KCNC1: variants seen among roughly 807,000 people sequenced by gnomAD.
The protein encoded by KCNC1 is potassium voltage-gated channel subfamily C member 1.
KCNC1 carries 8 observed loss-of-function variants against 43.4 expected under a neutral mutation model. The observed-to-expected ratio is 0.18, with a 90% CI of 0.11 to 0.33. The LOEUF (loss-of-function observed/expected upper bound fraction) is 0.33, where lower values mean the gene tolerates loss of function less well. Among genes scored for constraint, KCNC1 ranks in the 10% least tolerant of loss-of-function variants. The pLI, the probability that KCNC1 is intolerant of heterozygous loss-of-function variation, is 1.00. For missense variants in KCNC1, 420 were observed against 836.0 expected (o/e 0.50, Z 6.14); for synonymous variants, 361 against 360.5 (o/e 1.00, Z -0.01).
At chr11:17,741,545 C>T (rs996939909) in intron 1 of KCNC1, among the ~76,000 whole-genome samples, 1 of 152,194 alleles carries the variant, frequency 6.6e-6, no homozygotes, top group Non-Finnish European at 1.5e-5. Flanking sequence ...GGCAGCCCCC[C>T]AGCTGCTCTC....
At chr11:17,741,901 C>T (rs1436356918) in intron 1 of KCNC1, among the ~76,000 whole-genome samples, 5 of 152,230 alleles carry the variant, frequency 3.3e-5, no homozygotes, top group Admixed American at 3.3e-4. Flanking sequence ...AACAGCAGCT[C>T]CTCAGTGATG....
intron 2 of KCNC1, chr11:17,774,148 G>A (rs1849260873): frequency 2.0e-6 from 2 of 985,568 alleles, no homozygotes; most frequent in Non-Finnish European, 2.4e-6. Context: ...TGGGATTTCT[G>A]TAGGTGCCTG....
At chr11:17,751,607 A>G (rs1848969568) in intron 1 of KCNC1, among the ~76,000 whole-genome samples, 2 of 152,102 alleles carry the variant, frequency 1.3e-5, no homozygotes, top group East Asian at 1.9e-4. Context: ...TGGTTTGTGG[A>G]GTGAGAGAGC....
Position 17,748,510 on chromosome 11 carries a change from G to T in KCNC1, c.570+11938G>T, listed in dbSNP as rs548092182. 2.6e-5 allele frequency among the ~76,000 whole-genome samples: 4 copies of T among 152,286 alleles called. No homozygotes were observed. In the East Asian group the frequency reaches 7.7e-4, roughly 29 times the overall value. ...CTACTGGGTGCAATGTCCAATATTT[G>T]AGAGATGGGCACGCTAGGGGCCCCC... On this transcript the variant is annotated intron_variant, in intron 1 of 3. Coordinates refer to ENST00000265969, the MANE Select transcript of KCNC1 (RefSeq NM_001112741.2).
intron 1 of KCNC1, among the ~76,000 whole-genome samples, chr11:17,743,156 C>G (rs2133780873): frequency 6.6e-6 from 1 of 152,338 alleles, no homozygotes; most frequent in Non-Finnish European, 1.5e-5. Context: ...ACTATACTAT[C>G]ACGCCAATGA....
rs774642798 is a variant in KCNC1 at position 17,771,518 on chromosome 11, G to T, written c.571-147G>T. On this transcript the variant is annotated intron_variant, in intron 1 of 3. Transcript: ENST00000265969. The surrounding 1 kb of genome is among the most constrained non-coding windows in gnomAD (Gnocchi z 4.7). Reference sequence around the variant, plus strand: ...GCCCTGACGGTCGTGCAGGCCCCCTGTGCCCTGAGGAGGGAAATGTAGCAC... The same window carrying T: ...GCCCTGACGGTCGTGCAGGCCCCCTTTGCCCTGAGGAGGGAAATGTAGCAC... 11 of 716,170 alleles carry T rather than the reference G, an allele frequency of 1.5e-5. No homozygotes were observed. The highest frequency in any genetic ancestry group is 2.6e-5 in the Non-Finnish European group (11 of 424,594). The allele number at this position is 716,170 out of a possible 1,614,324, so 44.4% of individuals were successfully genotyped here. A position where few individuals can be genotyped will look rare whatever the true frequency, so the allele number is the denominator to read the frequency against.
Position 17,777,028 on chromosome 11 carries a change from G to A in KCNC1, c.1505-2428G>A, listed in dbSNP as rs927951900. On this transcript the variant is annotated intron_variant, in intron 2 of 3. Coordinates refer to ENST00000265969, the MANE Select transcript of KCNC1 (RefSeq NM_001112741.2). The surrounding 1 kb of genome is among the most constrained non-coding windows in gnomAD (Gnocchi z 4.3). ...GGTGTCCCGGGAATCCCCCAGGAGGGAAAGGTGCCAGGCTATCATCCCTCC... is the reference window on the plus strand; with the variant it reads ...GGTGTCCCGGGAATCCCCCAGGAGGAAAAGGTGCCAGGCTATCATCCCTCC... The A allele has an allele frequency of 5.1e-6, 5 of 985,284 alleles. No individual in the cohort carries two copies. The African/African-American group carries it at 8.7e-5, about 17-fold the overall frequency. The allele number at this position is 985,284 out of a possible 1,614,324, so 61.0% of individuals were successfully genotyped here. A position where few individuals can be genotyped will look rare whatever the true frequency, so the allele number is the denominator to read the frequency against.
intron 2 of KCNC1, among the ~76,000 whole-genome samples, chr11:17,778,852 C>T (rs1368849136): frequency 2.4e-4 from 23 of 97,608 alleles, no homozygotes; most frequent in African/African-American, 8.4e-4. Flanking sequence ...GGGGTACGGG[C>T]GCAGGCTGAG....
chr11:17,738,462 C>G (rs894294486), intron 1 of KCNC1, among the ~76,000 whole-genome samples: 1 of 152,152 alleles, frequency 6.6e-6, no homozygotes, highest in African/African-American at 2.4e-5. Flanking sequence ...CAACTTTGGC[C>G]CCAGAAGCAA....
At chr11:17,745,897 G>A (rs897544320) in intron 1 of KCNC1, among the ~76,000 whole-genome samples, 1 of 152,098 alleles carries the variant, frequency 6.6e-6, no homozygotes, top group Admixed American at 6.5e-5. Flanking sequence ...ACCATCTGAT[G>A]TACTATATAG....
At position 17,777,388 on chromosome 11, in the gene KCNC1, T is replaced by C. The variant is rs1051031496; in HGVS notation, c.1505-2068T>C. ...GACGCTGCCTGGGAGGACCCACTGT[T>C]CTCCCCTTGAGGAAAATCCATGCAG... On this transcript the variant is annotated intron_variant, in intron 2 of 3. Transcript: ENST00000265969. The surrounding 1 kb of genome is among the most constrained non-coding windows in gnomAD (Gnocchi z 4.3). 4.1e-6 allele frequency: 4 copies of C among 985,564 alleles called. No individual in the cohort carries two copies. Among genetic ancestry groups the C allele is most frequent in the Non-Finnish European group, 2.4e-6 (2 of 829,938 alleles). 61.1% of individuals were successfully genotyped at this position (985,564 alleles called of 1,614,324 possible).
In KCNC1 at chr11:17,779,398, C is replaced by A. The variant is rs756756438; in HGVS notation, c.1505-58C>A. On this transcript the variant is annotated intron_variant, in intron 2 of 3. Transcript: ENST00000265969. The surrounding 1 kb of genome is among the most constrained non-coding windows in gnomAD (Gnocchi z 7.2). ...ATACCCCGCTTCTGGCCTGTCCCCC[C>A]CTGCCCCCCACTAAACAGTTTTCAG... The A allele has an allele frequency of 1.9e-5, 26 of 1,371,498 alleles. No individual in the cohort carries two copies. Among genetic ancestry groups the A allele is most frequent in the Admixed American group, 1.0e-4 (3 of 29,874 alleles). The allele number at this position is 1,371,498 out of a possible 1,614,324, so 85.0% of individuals were successfully genotyped here. A position where few individuals can be genotyped will look rare whatever the true frequency, so the allele number is the denominator to read the frequency against.
intron 1 of KCNC1, among the ~76,000 whole-genome samples, chr11:17,770,466 GTGTTAGAGTC>G (rs1251931245): frequency 2.0e-5 from 3 of 152,214 alleles, no homozygotes; most frequent in African/African-American, 4.8e-5. Flanking sequence ...AGGCCACAGT[GTGTTAGAGTC>G]CCGGCGGGGC....
At chr11:17,751,033 G>A (rs10766428) in intron 1 of KCNC1, among the ~76,000 whole-genome samples, 17,450 of 152,262 alleles carry the variant, frequency 0.11, 1,074 homozygotes, top group Middle Eastern at 0.14. Flanking sequence ...ATGTGCCCCT[G>A]TGAGGTGGAA....
In KCNC1 at chr11:17,772,120, C is replaced by T; in HGVS notation, c.1026C>T (p.Thr342=). ...RVLGHTLRAS[T]NEFLLLIIFL... ...TGGGCCACACGCTCCGAGCCAGCAC[C>T]AACGAGTTCCTGCTGCTCATCATCT... The change falls in exon 2 of 4, where the codon ACC becomes ACT. Residue 342 remains threonine, a synonymous_variant. Coordinates refer to ENST00000265969, the MANE Select transcript of KCNC1 (RefSeq NM_001112741.2). 2.5e-6 allele frequency: 4 copies of T among 1,613,992 alleles called. No individual in the cohort carries two copies. The African/African-American group carries it at 4.0e-5, about 16-fold the overall frequency.
At chr11:17,748,836 T>C (rs1465854568) in intron 1 of KCNC1, among the ~76,000 whole-genome samples, 1 of 152,156 alleles carries the variant, frequency 6.6e-6, no homozygotes, top group African/African-American at 2.4e-5. Flanking sequence ...TGCTTCTGCA[T>C]GGAGGGCCGT....
intron 1 of KCNC1, among the ~76,000 whole-genome samples, chr11:17,747,137 G>T (rs1158640011): frequency 6.6e-6 from 1 of 152,088 alleles, no homozygotes; most frequent in Admixed American, 6.5e-5. Context: ...GGTCCCTGGG[G>T]TCCCTTCCTC....
intron 1 of KCNC1, among the ~76,000 whole-genome samples, chr11:17,756,397 C>A (rs375836374): frequency 6.6e-6 from 1 of 152,058 alleles, no homozygotes; most frequent in African/African-American, 2.4e-5. Flanking sequence ...TACCCAGTAC[C>A]CTGTATAGGC....
At chr11:17,766,789 G>A (rs995894366) in intron 1 of KCNC1, among the ~76,000 whole-genome samples, 3 of 151,938 alleles carry the variant, frequency 2.0e-5, no homozygotes, top group Non-Finnish European at 2.9e-5. Flanking sequence ...ATCAGGGGGC[G>A]CTCTGCAGTG....
Sources: gnomAD v4.1 joint callset for allele counts (sites outside exome capture counted in the v4.1 genomes callset) on GRCh38, gnomAD v4.1.1 for gene constraint, Gnocchi (gnomAD v3.1) non-coding constraint, MANE v1.5 for transcripts, NCBI Gene and HGNC (gene_info 2026-07-23, HGNC 2026-07-21) for gene names.